Variants in ADK observed in about 807,000 individuals in gnomAD.
ADK encodes the protein N6,N6-dimethyladenosine kinase.
In ADK, 24 loss-of-function variants were observed where a neutral mutation model predicts 44.7. That is an observed-to-expected ratio of 0.54 (90% CI 0.39 to 0.76). ADK has a LOEUF of 0.76. Among genes scored for constraint, ADK ranks in the 30% least tolerant of loss-of-function variants. The pLI, the probability that ADK is intolerant of heterozygous loss-of-function variation, is 0.00. For synonymous variants in ADK, 128 were observed against 142.6 expected (o/e 0.90, Z 0.73); for missense variants, 321 against 425.1 (o/e 0.76, Z 2.15).
At chr10:74,290,677 A>T (rs1161703663) in intron 3 of ADK, among the ~76,000 whole-genome samples, 1 of 151,776 alleles carries the variant, frequency 6.6e-6, no homozygotes, top group Non-Finnish European at 1.5e-5. Context: ...AAAAAAGTTT[A>T]TGTTGTTTTA....
chr10:74,413,971 G>A (rs1458811126), intron 6 of ADK, among the ~76,000 whole-genome samples: 1 of 152,170 alleles, frequency 6.6e-6, no homozygotes, highest in Non-Finnish European at 1.5e-5. Context: ...ATGGCCAGCT[G>A]GTAGAGCAGT....
chr10:74,402,547 C>T (rs1340930551), intron 6 of ADK, among the ~76,000 whole-genome samples: 1 of 152,094 alleles, frequency 6.6e-6, no homozygotes, highest in Non-Finnish European at 1.5e-5. Flanking sequence ...GCTACTGAAG[C>T]TTGTGCATGT....
intron 4 of ADK, among the ~76,000 whole-genome samples, chr10:74,346,555 G>C (rs1841772311): frequency 6.6e-6 from 1 of 152,142 alleles, no homozygotes. Flanking sequence ...AGATTGAAAG[G>C]GTTTCATAAT....
In ADK at chr10:74,708,555, A is replaced by G; in HGVS notation, c.*110A>G. 1.6e-6 allele frequency: 2 copies of G among 1,222,956 alleles called. No homozygotes were observed. Among genetic ancestry groups the G allele is most frequent in the Non-Finnish European group, 2.3e-6 (2 of 870,420 alleles). 75.8% of individuals were successfully genotyped at this position (1,222,956 alleles called of 1,614,324 possible). A position where few individuals can be genotyped will look rare whatever the true frequency, so the allele number is the denominator to read the frequency against. ...TTATCTGCCATTTTTTCCTACTATA[A>G]TAATGCTGAATCTTAATTTAGAGGG... On this transcript the variant is annotated 3_prime_UTR_variant, in exon 11 of 11. Transcript: ENST00000539909.
At chr10:74,300,654 C>T (rs180879435) in intron 3 of ADK, among the ~76,000 whole-genome samples, 14 of 152,160 alleles carry the variant, frequency 9.2e-5, no homozygotes, top group African/African-American at 3.4e-4. Flanking sequence ...GCTGGGATTA[C>T]AGGTGTGAGC....
intron 4 of ADK, among the ~76,000 whole-genome samples, chr10:74,338,038 A>G (rs1316383853): frequency 6.6e-6 from 1 of 151,974 alleles, no homozygotes; most frequent in African/African-American, 2.4e-5. Context: ...AGCTTCCTAA[A>G]GTGCTGGGAT....
At chr10:74,506,173 A>T (rs557784941) in intron 6 of ADK, 2 of 156,088 alleles carry the variant, frequency 1.3e-5, no homozygotes, top group Admixed American at 6.5e-5. Flanking sequence ...TAAATATAAG[A>T]TAAAAAGATA....
intron 9 of ADK, among the ~76,000 whole-genome samples, chr10:74,637,867 T>C (rs1009144841): frequency 6.6e-6 from 1 of 152,210 alleles, no homozygotes; most frequent in Non-Finnish European, 1.5e-5. Context: ...AGAATTGATA[T>C]GTTTGTTGTT....
chr10:74,398,313 AATT>A (rs1296073278), intron 5 of ADK, among the ~76,000 whole-genome samples, 155 bp from the exon 6 acceptor site: 1 of 152,058 alleles, frequency 6.6e-6, no homozygotes, highest in Non-Finnish European at 1.5e-5. Context: ...CTCAAAACAA[AATT>A]ATTATTTATA....
chr10:74,232,537 A>AC (rs1844805347), intron 3 of ADK, among the ~76,000 whole-genome samples: 7 of 98,762 alleles, frequency 7.1e-5, no homozygotes, highest in Non-Finnish European at 9.7e-5. Flanking sequence ...ACAAACAAAC[A>AC]ACCCCCCCGC....
At chr10:74,322,295 A>G (rs76064160) in intron 4 of ADK, among the ~76,000 whole-genome samples, 2,959 of 152,348 alleles carry the variant, frequency 0.019, 75 homozygotes, top group African/African-American at 0.058. Context: ...AAATGTCAGT[A>G]GCACAACTGT....
At chr10:74,642,289 C>T (rs1489039333) in intron 9 of ADK, among the ~76,000 whole-genome samples, 2 of 151,538 alleles carry the variant, frequency 1.3e-5, no homozygotes, top group South Asian at 2.1e-4. Flanking sequence ...ATATGACTCA[C>T]ACAAAATCTA....
At position 74,525,351 on chromosome 10, in the gene ADK, G is replaced by A. The variant is rs201810555; in HGVS notation, c.651G>A (p.Pro217=). Residue 217 remains proline, a synonymous_variant, in exon 7 of 11, where the codon CCG becomes CCA. Coordinates refer to ENST00000539909, the MANE Select transcript of ADK (RefSeq NM_006721.4). ...TTTTCACTTTGAATCTATCTGCACC[G>A]TTTATTAGCCAGTTCTACAAGGAAT... ...NRIFTLNLSA[P]FISQFYKESL... 2.9e-5 allele frequency: 47 copies of A among 1,613,400 alleles called. No homozygotes were observed. The highest frequency in any genetic ancestry group is 6.7e-5 in the Admixed American group (4 of 59,988).
chr10:74,336,643 AG>A (rs757263936), intron 4 of ADK, among the ~76,000 whole-genome samples: 3 of 152,198 alleles, frequency 2.0e-5, no homozygotes, highest in African/African-American at 7.2e-5. Context: ...AAGTAAATAG[AG>A]AAAGGAAAGT....
At chr10:74,430,448 A>C (rs921980071) in intron 6 of ADK, among the ~76,000 whole-genome samples, 5 of 152,088 alleles carry the variant, frequency 3.3e-5, no homozygotes, top group Non-Finnish European at 4.4e-5. Context: ...TTTGCACATA[A>C]GTTTTTGTAT....
chr10:74,656,627 G>A (rs1021078453), intron 9 of ADK, among the ~76,000 whole-genome samples: 4 of 152,168 alleles, frequency 2.6e-5, no homozygotes, highest in South Asian at 2.1e-4. Flanking sequence ...GTATCCTTGC[G>A]CAAACTACCT....
intron 6 of ADK, among the ~76,000 whole-genome samples, chr10:74,407,782 C>T (rs1008013522): frequency 1.2e-4 from 18 of 152,180 alleles, no homozygotes; most frequent in African/African-American, 3.9e-4. Context: ...GTAATTGTAG[C>T]GCTTACCTTA....
chr10:74,586,626 G>A (rs1851533889), intron 7 of ADK, among the ~76,000 whole-genome samples: 1 of 152,134 alleles, frequency 6.6e-6, no homozygotes, highest in South Asian at 2.1e-4. Context: ...GGCCAAGGCA[G>A]GTGGATCACC....
At chr10:74,502,591 T>C (rs1847920463) in intron 6 of ADK, among the ~76,000 whole-genome samples, 1 of 152,146 alleles carries the variant, frequency 6.6e-6, no homozygotes, top group African/African-American at 2.4e-5. Context: ...CACTTGATAA[T>C]TTTTTGTTTC....
Sources: gnomAD v4.1 joint callset for allele counts (sites outside exome capture counted in the v4.1 genomes callset) on GRCh38, gnomAD v4.1.1 for gene constraint, MANE v1.5 for transcripts, NCBI Gene and HGNC (gene_info 2026-07-23, HGNC 2026-07-21) for gene names.